The following CHST11 variants were observed in gnomAD, a reference collection of about 807,000 sequenced individuals.
The protein encoded by CHST11 is carbohydrate sulfotransferase 11.
In CHST11, 9 loss-of-function variants were observed where a neutral mutation model predicts 30.4. The ratio of observed to expected loss-of-function variants is 0.30; its 90% CI spans 0.18 to 0.52. CHST11 has a LOEUF of 0.52. CHST11 is among the 20% of genes least tolerant of loss of function. The pLI is 0.97. For synonymous variants in CHST11, 152 were observed against 187.8 expected, an observed-to-expected ratio of 0.81 and a Z score of 1.56; for missense variants, 348 against 460.6, an observed-to-expected ratio of 0.76 and a Z score of 2.24.
intron 1 of CHST11, among the ~76,000 whole-genome samples, chr12:104,512,515 C>A (rs1037629908): frequency 6.6e-5 from 10 of 152,182 alleles, no homozygotes; most frequent in African/African-American, 2.2e-4. Context: ...CCAGTTTTCC[C>A]TGGACAATCC....
chr12:104,592,341 G>T lies in CHST11; in HGVS notation c.119-9565G>T, dbSNP rs185956288. 5.3e-5 allele frequency among the ~76,000 whole-genome samples: 8 copies of T among 152,284 alleles called. No individual in the cohort carries two copies. The East Asian group carries it at 1.5e-3, about 29-fold the overall frequency. Reference sequence around the variant, plus strand: ...AAATTTATTCCTCACAGTTCTGGAGGCTGGGAAGTCCAAGACCAAAGCATT... The same window carrying T: ...AAATTTATTCCTCACAGTTCTGGAGTCTGGGAAGTCCAAGACCAAAGCATT... On this transcript the variant is annotated intron_variant, in intron 1 of 2. Transcript: ENST00000303694.
chr12:104,493,564 A>T (rs1033059577), intron 1 of CHST11, among the ~76,000 whole-genome samples: 1 of 152,190 alleles, frequency 6.6e-6, no homozygotes, highest in East Asian at 1.9e-4. Context: ...TGTGTGTCAA[A>T]TGCCTCAGAA....
Position 104,665,812 on chromosome 12 carries a change from C to CTT in CHST11, c.204+63846_204+63847dup, listed in dbSNP as rs59199522. Among the ~76,000 whole-genome samples, 579 of 78,848 alleles carry CTT rather than the reference C, an allele frequency of 7.3e-3. 78 individuals are homozygous for CTT. Among genetic ancestry groups the CTT allele is most frequent in the African/African-American group, 0.028 (499 of 18,106 alleles). The allele number at this position is 78,848 out of a possible 152,430, so 51.7% of individuals were successfully genotyped here. ...CCTTTCTCTTTCTCTCTCTCTGTCT[C>CTT]TTTTTTTTTTTTTTTTTTTTTTTTT... On this transcript the variant is annotated intron_variant, in intron 2 of 2. Coordinates refer to ENST00000303694, the MANE Select transcript of CHST11 (RefSeq NM_018413.6).
chr12:104,590,675 A>T (rs577404805), intron 1 of CHST11, among the ~76,000 whole-genome samples: 2 of 151,756 alleles, frequency 1.3e-5, no homozygotes, highest in South Asian at 4.2e-4. Context: ...TAATCCCAGC[A>T]CTTTGGGAGA....
intron 2 of CHST11, among the ~76,000 whole-genome samples, chr12:104,695,884 T>G (rs113030938): frequency 0.011 from 1,691 of 152,250 alleles, 46 homozygotes; most frequent in African/African-American, 0.038. Context: ...GGGGCAGCCC[T>G]GGAGGAGCCA....
At chr12:104,753,390 C>G (rs781224125) in intron 2 of CHST11, among the ~76,000 whole-genome samples, 3 of 152,202 alleles carry the variant, frequency 2.0e-5, no homozygotes, top group Non-Finnish European at 4.4e-5. Flanking sequence ...TGGCTCACAA[C>G]GAGCACTCAC....
chr12:104,670,413 C>T (rs1335453866), intron 2 of CHST11, among the ~76,000 whole-genome samples: 1 of 152,050 alleles, frequency 6.6e-6, no homozygotes, highest in Admixed American at 6.6e-5. Context: ...CTCCACCCAC[C>T]CCCAACATAG....
intron 2 of CHST11, among the ~76,000 whole-genome samples, chr12:104,737,437 G>C (rs532001424): frequency 6.6e-6 from 1 of 152,246 alleles, no homozygotes; most frequent in Non-Finnish European, 1.5e-5. Context: ...TCACTTTGGG[G>C]ATTATTGTGA....
At chr12:104,498,012 C>T (rs540277162) in intron 1 of CHST11, among the ~76,000 whole-genome samples, 12 of 150,542 alleles carry the variant, frequency 8.0e-5, no homozygotes, top group East Asian at 7.9e-4. Flanking sequence ...CTCCGCCTCC[C>T]GGTTCAAGCA....
At chr12:104,470,518 T>A (rs1361991203) in intron 1 of CHST11, among the ~76,000 whole-genome samples, 1 of 152,190 alleles carries the variant, frequency 6.6e-6, no homozygotes, top group Non-Finnish European at 1.5e-5. Flanking sequence ...CAATTCAAGG[T>A]GAGATTTGGA....
chr12:104,583,498 C>T (rs2136033515), intron 1 of CHST11, among the ~76,000 whole-genome samples: 1 of 152,270 alleles, frequency 6.6e-6, no homozygotes, highest in Non-Finnish European at 1.5e-5. Flanking sequence ...CCACACTTGA[C>T]ACACAGCCTA....
At chr12:104,545,679 G>A (rs2038340113) in intron 1 of CHST11, among the ~76,000 whole-genome samples, 1 of 152,164 alleles carries the variant, frequency 6.6e-6, no homozygotes, top group African/African-American at 2.4e-5. Flanking sequence ...TTCACAGTCT[G>A]GAAGCTGAAA....
At chr12:104,570,423 C>T (rs2038611859) in intron 1 of CHST11, among the ~76,000 whole-genome samples, 1 of 152,080 alleles carries the variant, frequency 6.6e-6, no homozygotes, top group African/African-American at 2.4e-5. Flanking sequence ...ACTGTGCAGC[C>T]CACCCAAGCC....
chr12:104,534,710 T>G lies in CHST11; in HGVS notation c.119-67196T>G, dbSNP rs189974325. The stretch of plus-strand genomic sequence containing the variant: ...TTCTGGTGTGAGTGGTGCCTGGCCT[T>G]GAAGCTCTGCTAATCTCCAGACGGC... On this transcript the variant is annotated intron_variant, in intron 1 of 2. Transcript: ENST00000303694. 2.0e-5 allele frequency among the ~76,000 whole-genome samples: 3 copies of G among 152,298 alleles called. 1 individual carries two copies. Among genetic ancestry groups the G allele is most frequent in the Non-Finnish European group, 4.4e-5 (3 of 68,020 alleles).
At chr12:104,508,540 A>G (rs1638918030) in intron 1 of CHST11, among the ~76,000 whole-genome samples, 1 of 152,254 alleles carries the variant, frequency 6.6e-6, no homozygotes. Flanking sequence ...TGGGAAAAAC[A>G]AAGCAAAATA....
At chr12:104,745,830 G>A (rs569956569) in intron 2 of CHST11, among the ~76,000 whole-genome samples, 10 of 152,294 alleles carry the variant, frequency 6.6e-5, no homozygotes, top group Middle Eastern at 3.4e-3. Flanking sequence ...AGCTTAAGAA[G>A]CTTTTGGGCT....
At chr12:104,471,236 G>A (rs2037506234) in intron 1 of CHST11, among the ~76,000 whole-genome samples, 2 of 152,306 alleles carry the variant, frequency 1.3e-5, no homozygotes, top group Non-Finnish European at 2.9e-5. Flanking sequence ...AAGGGGCCAT[G>A]TCTTGTTTAG....
At position 104,758,070 on chromosome 12, in the gene CHST11, G is replaced by T; in HGVS notation, c.*267G>T. On this transcript the variant is annotated 3_prime_UTR_variant, in exon 3 of 3. Coordinates refer to ENST00000303694, the MANE Select transcript of CHST11 (RefSeq NM_018413.6). ...TGTGTTCTGGTGAATTCCATGAATT[G>T]TGCATTCCATAAATTCTAATTAATA... is the stretch of plus-strand genomic sequence containing the variant. The T allele has an allele frequency of 3.0e-6, 1 of 330,540 alleles. No homozygotes were observed. Among genetic ancestry groups the T allele is most frequent in the Admixed American group, 4.4e-5 (1 of 22,542 alleles). 20.5% of individuals were successfully genotyped at this position (330,540 alleles called of 1,614,324 possible).
At chr12:104,594,474 G>A (rs546713272) in intron 1 of CHST11, among the ~76,000 whole-genome samples, 1 of 152,312 alleles carries the variant, frequency 6.6e-6, no homozygotes, top group South Asian at 2.1e-4. Flanking sequence ...TATGAGAACG[G>A]TTTAGGATTG....
Sources: allele counts gnomAD v4.1 joint callset (sites outside exome capture counted in the v4.1 genomes callset), GRCh38; gene constraint gnomAD v4.1.1; transcripts MANE v1.5; gene names NCBI Gene and HGNC (gene_info 2026-07-23, HGNC 2026-07-21).